The following PHF24 variants were observed in gnomAD, a reference collection of about 807,000 sequenced individuals.
The protein encoded by PHF24 is Galpha inhibitory interacting protein.
PHF24 carries 25 observed loss-of-function variants against 42.6 expected under a neutral mutation model. The observed-to-expected ratio is 0.59, with a 90% CI of 0.43 to 0.82. The LOEUF (loss-of-function observed/expected upper bound fraction) is 0.82. Among genes scored for constraint, PHF24 ranks in the 40% least tolerant of loss-of-function variants. The probability of loss-of-function intolerance (pLI) is 0.00; values close to 1 mark genes in which losing one functional copy is unlikely to be tolerated. For missense variants in PHF24, 470 were observed against 538.1 expected, an observed-to-expected ratio of 0.87 and a Z score of 1.25; for synonymous variants, 185 against 204.8, an observed-to-expected ratio of 0.90 and a Z score of 0.83.
At chr9:34,838,293 T>G in the PHF24 span, 1 of 709,720 alleles carries the variant, frequency 1.4e-6, no homozygotes. Context: ...CTCTGGAGCT[T>G]AAAAGCATAT....
At chr9:34,716,907 C>A in the PHF24 span, among the ~76,000 whole-genome samples, 2 of 152,160 alleles carry the variant, frequency 1.3e-5, no homozygotes, top group African/African-American at 4.8e-5. Flanking sequence ...CTGCACCCGG[C>A]CTGGTTTTAA....
chr9:34,839,782 G>C, the PHF24 span, among the ~76,000 whole-genome samples: 1 of 152,168 alleles, frequency 6.6e-6, no homozygotes, highest in Non-Finnish European at 1.5e-5. Flanking sequence ...ACAAATTTAC[G>C]TGAATCAAGA....
At chr9:34,846,647 T>C in the PHF24 span, among the ~76,000 whole-genome samples, 1 of 152,380 alleles carries the variant, frequency 6.6e-6, no homozygotes, top group Admixed American at 6.5e-5. Flanking sequence ...CCTTTGCTTT[T>C]GATGTTTTAG....
At chr9:34,840,041 A>G in the PHF24 span, among the ~76,000 whole-genome samples, 2 of 152,216 alleles carry the variant, frequency 1.3e-5, no homozygotes, top group African/African-American at 2.4e-5. Flanking sequence ...AATGCAGTCT[A>G]TCTTTAGCAG....
At chr9:34,815,166 C>T in the PHF24 span, among the ~76,000 whole-genome samples, 1 of 152,210 alleles carries the variant, frequency 6.6e-6, no homozygotes, top group Non-Finnish European at 1.5e-5. Flanking sequence ...AAGTTTGATA[C>T]TCACCTCAGT....
the PHF24 span, among the ~76,000 whole-genome samples, chr9:34,767,200 C>T: frequency 2.9e-4 from 44 of 152,344 alleles, no homozygotes; most frequent in Middle Eastern, 3.4e-3. Context: ...AGATCTCCAG[C>T]TGCATGCTGG....
the PHF24 span, among the ~76,000 whole-genome samples, chr9:34,694,577 C>T: frequency 3.3e-5 from 5 of 152,202 alleles, no homozygotes; most frequent in Admixed American, 6.5e-5. Context: ...AGGTGATCCA[C>T]CTGCTTTGGC....
the PHF24 span, among the ~76,000 whole-genome samples, chr9:34,949,227 T>G: frequency 6.6e-6 from 1 of 152,226 alleles, no homozygotes; most frequent in Non-Finnish European, 1.5e-5. Context: ...CAAGTGCACG[T>G]GGAATATTCA....
chr9:34,823,238 C>T, the PHF24 span, among the ~76,000 whole-genome samples: 2 of 147,090 alleles, frequency 1.4e-5, no homozygotes, highest in South Asian at 2.1e-4. Flanking sequence ...AAAGATTGTC[C>T]GAAGAAGCTG....
chr9:34,762,764 A>T, the PHF24 span, among the ~76,000 whole-genome samples: 1 of 152,192 alleles, frequency 6.6e-6, no homozygotes, highest in East Asian at 1.9e-4. Flanking sequence ...AGACATGAAG[A>T]CATTGCCCAT....
chr9:34,905,326 G>T, the PHF24 span, among the ~76,000 whole-genome samples: 1 of 152,176 alleles, frequency 6.6e-6, no homozygotes, highest in East Asian at 1.9e-4. Flanking sequence ...TCTCATCTAA[G>T]CCGCCTTCCT....
chr9:34,702,700 T>G, the PHF24 span, among the ~76,000 whole-genome samples: 2 of 152,108 alleles, frequency 1.3e-5, no homozygotes, highest in Non-Finnish European at 2.9e-5. Flanking sequence ...ATCCCAGCAC[T>G]TTGGGAGGAT....
the PHF24 span, among the ~76,000 whole-genome samples, chr9:34,829,953 A>G: frequency 1.3e-5 from 2 of 152,212 alleles, no homozygotes; most frequent in African/African-American, 2.4e-5. Context: ...AACAAGATAG[A>G]GTTTTGTGTC....
chr9:34,936,594 G>C, the PHF24 span, among the ~76,000 whole-genome samples: 6 of 148,144 alleles, frequency 4.1e-5, no homozygotes, highest in Non-Finnish European at 7.4e-5. Context: ...GAGCGTCTCT[G>C]CCCTGCCGCC....
At chr9:34,907,633 G>A in the PHF24 span, among the ~76,000 whole-genome samples, 74 of 152,094 alleles carry the variant, frequency 4.9e-4, no homozygotes, top group African/African-American at 1.7e-3. Flanking sequence ...AACATTTATC[G>A]GTAAAAGGCT....
the PHF24 span, among the ~76,000 whole-genome samples, chr9:34,744,900 A>G: frequency 6.6e-6 from 1 of 152,180 alleles, no homozygotes; most frequent in Admixed American, 6.5e-5. Context: ...GGTCCATGAC[A>G]TACTCATTAA....
At chr9:34,712,286 A>C in the PHF24 span, among the ~76,000 whole-genome samples, 2 of 129,270 alleles carry the variant, frequency 1.5e-5, no homozygotes, top group African/African-American at 5.7e-5. Context: ...TGGATCTCTG[A>C]GTTTATCCTT....
At chr9:34,789,092 A>T in the PHF24 span, among the ~76,000 whole-genome samples, 1 of 152,090 alleles carries the variant, frequency 6.6e-6, no homozygotes. Flanking sequence ...GGAGGCTCCC[A>T]CAGGCCTGGA....
At chr9:34,976,302 C>A in intron 4 of PHF24, 72 bp downstream of exon 4, 1 of 1,312,058 alleles carries the variant, frequency 7.6e-7, no homozygotes, top group Non-Finnish European at 1.1e-6. Context: ...CTAGAATGAA[C>A]CATGAAAGGA....
Sources: gnomAD v4.1 joint callset for allele counts (sites outside exome capture counted in the v4.1 genomes callset) on GRCh38, gnomAD v4.1.1 for gene constraint, MANE v1.5 for transcripts, NCBI Gene and HGNC (gene_info 2026-07-23, HGNC 2026-07-21) for gene names.